The following MSR1 variants were observed in gnomAD, a reference collection of about 807,000 sequenced individuals.
MSR1 encodes macrophage scavenger receptor types I and II.
A neutral mutation model predicts 47.2 loss-of-function variants in MSR1; 53 were observed. The ratio of observed to expected loss-of-function variants is 1.12; its 90% CI spans 0.90 to 1.41. The LOEUF is 1.41. Ranked by LOEUF, MSR1 falls within the 40% of genes most tolerant of loss-of-function variation. MSR1 has a pLI of 0.00. For missense variants in MSR1, 786 were observed against 546.9 expected (o/e 1.44, Z -4.36); for synonymous variants, 239 against 185.6 (o/e 1.29, Z -2.34).
intron 8 of MSR1, among the ~76,000 whole-genome samples, chr8:16,137,282 A>G (rs1800413693): frequency 6.6e-6 from 1 of 152,128 alleles, no homozygotes; most frequent in South Asian, 2.1e-4. Context: ...GTAGTTATGA[A>G]GGTGGAAACA....
In MSR1 at chr8:16,145,848, C is replaced by T. The variant is rs1800682050; in HGVS notation, c.980-2237G>A. Among the ~76,000 whole-genome samples, 8 of 152,220 alleles carry T rather than the reference C, an allele frequency of 5.3e-5. 1 individual carries two copies. The South Asian group carries it at 1.7e-3, about 32-fold the overall frequency. On this transcript the variant is annotated intron_variant, in intron 7 of 9. Transcript: ENST00000262101. ...AATGGAGAGGAATGTAGTGGTCCTT[C>T]AGAATGATACCTTTGGTTAAAAATG... is the stretch of plus-strand genomic sequence containing the variant.
chr8:16,130,886 G>T (rs139510085), intron 8 of MSR1, among the ~76,000 whole-genome samples: 1 of 151,978 alleles, frequency 6.6e-6, no homozygotes, highest in African/African-American at 2.4e-5. Context: ...TACCAATGAT[G>T]GGCATTTAGG....
intron 3 of MSR1, among the ~76,000 whole-genome samples, chr8:16,172,226 A>G (rs1801506423): frequency 6.6e-6 from 1 of 152,170 alleles, no homozygotes; most frequent in Admixed American, 6.5e-5. Flanking sequence ...AGTAAAGCTA[A>G]TATTTTTCAC....
At chr8:16,117,786 G>A (rs1799910116) in intron 9 of MSR1, among the ~76,000 whole-genome samples, 1 of 151,964 alleles carries the variant, frequency 6.6e-6, no homozygotes, top group Admixed American at 6.6e-5. Flanking sequence ...GGACCGTCTA[G>A]TTGCAGGAAA....
At chr8:16,131,268 G>A (rs751252415) in intron 8 of MSR1, among the ~76,000 whole-genome samples, 15 of 151,998 alleles carry the variant, frequency 9.9e-5, no homozygotes, top group Non-Finnish European at 2.1e-4. Flanking sequence ...TATGCTTGTT[G>A]GCCACGTGTA....
chr8:16,189,425 TAAA>T (rs1171540181), intron 1 of MSR1, among the ~76,000 whole-genome samples: 1 of 93,478 alleles, frequency 1.1e-5, no homozygotes, highest in Non-Finnish European at 1.8e-5. Flanking sequence ...TTTATATATA[TAAA>T]ATCATATTTT....
chr8:16,151,649 G>A (rs1412427596), intron 6 of MSR1, among the ~76,000 whole-genome samples: 4 of 152,096 alleles, frequency 2.6e-5, no homozygotes, highest in Admixed American at 2.0e-4. Context: ...CAGTTACATG[G>A]AATCTCAGCC....
At chr8:16,154,155 A>C (rs946791538) in intron 6 of MSR1, among the ~76,000 whole-genome samples, 1 of 151,938 alleles carries the variant, frequency 6.6e-6, no homozygotes, top group African/African-American at 2.4e-5. Flanking sequence ...GACCAGGGCT[A>C]GTCAATACAC....
chr8:16,156,166 T>C (rs1291067291), intron 5 of MSR1, among the ~76,000 whole-genome samples: 3 of 151,876 alleles, frequency 2.0e-5, no homozygotes, highest in Non-Finnish European at 4.4e-5. Flanking sequence ...GAAAGAAACA[T>C]TATTCCATAG....
chr8:16,140,840 G>A (rs1287982458), intron 8 of MSR1: 1 of 1,567,244 alleles, frequency 6.4e-7, no homozygotes, highest in South Asian at 1.2e-5. Context: ...CCAGGGACCA[G>A]GAGAGAAGGC....
chr8:16,161,057 T>A (rs1801148361), intron 5 of MSR1, among the ~76,000 whole-genome samples: 1 of 150,100 alleles, frequency 6.7e-6, no homozygotes, highest in African/African-American at 2.5e-5. Context: ...TTTTTTGCTA[T>A]TTAGAATGGA....
chr8:16,171,258 T>A (rs1442989362), intron 3 of MSR1, among the ~76,000 whole-genome samples: 2 of 151,240 alleles, frequency 1.3e-5, no homozygotes, highest in African/African-American at 4.9e-5. Context: ...AAAGAAGCTG[T>A]TTGATAAGCA....
chr8:16,143,686 T>C, intron 7 of MSR1, 75 bp from the exon 8 acceptor site: 1 of 1,050,024 alleles, frequency 9.5e-7, no homozygotes, highest in Admixed American at 1.8e-5. Context: ...AGACAGATCA[T>C]CACAAGGTAA....
chr8:16,187,777 G>T (rs1802045975), intron 1 of MSR1, among the ~76,000 whole-genome samples: 1 of 152,034 alleles, frequency 6.6e-6, no homozygotes, highest in African/African-American at 2.4e-5. Context: ...TTACATATTG[G>T]AAAATAAAAT....
At chr8:16,158,815 T>G (rs1290669043) in intron 5 of MSR1, among the ~76,000 whole-genome samples, 5 of 152,062 alleles carry the variant, frequency 3.3e-5, no homozygotes, top group African/African-American at 1.2e-4. Context: ...TGCTACCATG[T>G]TCTAAATTTA....
At chr8:16,117,383 C>T (rs1332716546) in intron 9 of MSR1, among the ~76,000 whole-genome samples, 2 of 152,076 alleles carry the variant, frequency 1.3e-5, no homozygotes, top group Non-Finnish European at 2.9e-5. Context: ...TTAACATTAG[C>T]AGAGAGGTGT....
chr8:16,147,697 T>C (rs1800738464), intron 7 of MSR1, among the ~76,000 whole-genome samples: 2 of 152,162 alleles, frequency 1.3e-5, no homozygotes, highest in South Asian at 4.1e-4. Context: ...CTGTTCCTTC[T>C]TTTAGTCTGC....
chr8:16,127,734 A>T (rs1015297687), intron 8 of MSR1, among the ~76,000 whole-genome samples: 2 of 152,158 alleles, frequency 1.3e-5, no homozygotes, highest in Non-Finnish European at 2.9e-5. Context: ...TTTACTTTGA[A>T]CACCTGGATC....
At chr8:16,167,495 T>C (rs1004862720) in intron 4 of MSR1, among the ~76,000 whole-genome samples, 2 of 152,002 alleles carry the variant, frequency 1.3e-5, no homozygotes, top group African/African-American at 4.8e-5. Context: ...CAGTGAGCCA[T>C]GATCTCACCA....
Sources: allele counts gnomAD v4.1 joint callset (sites outside exome capture counted in the v4.1 genomes callset), GRCh38; gene constraint gnomAD v4.1.1; transcripts MANE v1.5; gene names NCBI Gene and HGNC (gene_info 2026-07-23, HGNC 2026-07-21).